Variants in LRMDA observed in about 807,000 individuals in gnomAD.
LRMDA encodes leucine rich melanocyte differentiation associated.
In LRMDA, 18 loss-of-function variants were observed where a neutral mutation model predicts 29.8. The ratio of observed to expected loss-of-function variants is 0.60; its 90% CI spans 0.42 to 0.90. The LOEUF is 0.90. Among genes scored for constraint, LRMDA ranks in the 40% least tolerant of loss-of-function variants. LRMDA has a pLI of 0.00. For missense variants in LRMDA, 273 were observed against 273.9 expected, an observed-to-expected ratio of 1.00 and a Z score of 0.02; for synonymous variants, 125 against 109.4, an observed-to-expected ratio of 1.14 and a Z score of -0.89.
intron 2 of LRMDA, among the ~76,000 whole-genome samples, chr10:75,625,861 AT>A (rs879302679): frequency 0.018 from 2,554 of 145,262 alleles, 49 homozygotes; most frequent in African/African-American, 0.055. Flanking sequence ...TGGAGAGAGT[AT>A]TTTTTTTTTT....
At chr10:76,111,878 G>T (rs1275201269) in intron 5 of LRMDA, among the ~76,000 whole-genome samples, 2 of 152,072 alleles carry the variant, frequency 1.3e-5, no homozygotes, top group African/African-American at 4.8e-5. Context: ...TTAGAACCAC[G>T]TTGGGAGCGT....
intron 2 of LRMDA, among the ~76,000 whole-genome samples, chr10:75,869,241 C>T (rs1845069189): frequency 6.6e-6 from 1 of 152,138 alleles, no homozygotes; most frequent in Middle Eastern, 3.2e-3. Context: ...AACAGAGGCC[C>T]AGAGAAGCTA....
intron 2 of LRMDA, among the ~76,000 whole-genome samples, chr10:75,898,650 GA>G (rs138051065): frequency 2.3e-4 from 34 of 149,856 alleles, no homozygotes; most frequent in African/African-American, 8.3e-4. Flanking sequence ...CTCAAAACAA[GA>G]AAAAAAAAGA....
At chr10:75,920,182 G>A (rs1396288943) in intron 2 of LRMDA, among the ~76,000 whole-genome samples, 1 of 152,052 alleles carries the variant, frequency 6.6e-6, no homozygotes, top group Non-Finnish European at 1.5e-5. Context: ...TGGCTCCCTA[G>A]AGACCTTCAA....
chr10:76,325,960 A>G (rs1023548571), intron 6 of LRMDA, among the ~76,000 whole-genome samples: 6 of 152,358 alleles, frequency 3.9e-5, no homozygotes, highest in African/African-American at 1.4e-4. Flanking sequence ...AAGTAGTTAG[A>G]GTTCAAATAA....
At chr10:76,105,563 A>G (rs1423610087) in intron 5 of LRMDA, among the ~76,000 whole-genome samples, 1 of 152,160 alleles carries the variant, frequency 6.6e-6, no homozygotes, top group Non-Finnish European at 1.5e-5. Flanking sequence ...ACAGGGGAGA[A>G]GGCCAGGAGA....
chr10:76,324,428 C>A lies in LRMDA; in HGVS notation c.544C>A (p.Pro182Thr), dbSNP rs1420320778. Residue 182 changes from proline to threonine, a missense_variant, in exon 6 of 7, where the codon CCG (proline) becomes ACG (threonine). Physicochemically the swap from Pro to Thr is conservative, Grantham distance 38 (BLOSUM62 -1). Transcript: ENST00000611255. The part of the protein sequence containing the change: ...KASSEDVASS[P>T]ERHYTPLPSA... ...TTCTAGTGAGGACGTTGCCAGCTCCCCGGAGCGCCACTACACGCCCTTGCC... is the reference window on the plus strand; with the variant it reads ...TTCTAGTGAGGACGTTGCCAGCTCCACGGAGCGCCACTACACGCCCTTGCC... The A allele has an allele frequency of 7.4e-6, 12 of 1,614,080 alleles. No individual in the cohort carries two copies. Among genetic ancestry groups the A allele is most frequent in the Non-Finnish European group, 1.0e-5 (12 of 1,180,010 alleles).
chr10:75,814,947 C>T (rs908989453), intron 2 of LRMDA, among the ~76,000 whole-genome samples: 1 of 152,168 alleles, frequency 6.6e-6, no homozygotes, highest in Non-Finnish European at 1.5e-5. Context: ...CTTCTGTTTA[C>T]AATAATATCT....
intron 2 of LRMDA, among the ~76,000 whole-genome samples, chr10:75,954,504 A>G (rs1204321111): frequency 6.6e-6 from 1 of 152,180 alleles, no homozygotes; most frequent in Non-Finnish European, 1.5e-5. Flanking sequence ...GCATCTTTCC[A>G]AAGCATGGTG....
chr10:75,447,689 G>A (rs1436389407), intron 2 of LRMDA, among the ~76,000 whole-genome samples: 1 of 152,070 alleles, frequency 6.6e-6, no homozygotes, highest in African/African-American at 2.4e-5. Flanking sequence ...GAGCCCAGGA[G>A]TTTGAAACCA....
At chr10:75,822,347 C>G (rs1475624027) in intron 2 of LRMDA, among the ~76,000 whole-genome samples, 1 of 152,078 alleles carries the variant, frequency 6.6e-6, no homozygotes, top group Non-Finnish European at 1.5e-5. Context: ...ATCTTGTGCT[C>G]CTGGAATGGA....
intron 2 of LRMDA, among the ~76,000 whole-genome samples, chr10:75,822,735 T>G (rs1844183476): frequency 6.6e-6 from 1 of 152,152 alleles, no homozygotes; most frequent in Non-Finnish European, 1.5e-5. Context: ...AGTATAATTT[T>G]TTTTTTCAGA....
chr10:76,241,115 G>A (rs1436195308), intron 5 of LRMDA, among the ~76,000 whole-genome samples: 1 of 152,054 alleles, frequency 6.6e-6, no homozygotes, highest in African/African-American at 2.4e-5. Context: ...TTGGGGGAAA[G>A]GTGGGTGGGT....
rs1554814520 is a variant in LRMDA, at chr10:75,589,765, A to ATATAT, written c.131+151271_131+151272insTATAT. Among the ~76,000 whole-genome samples the ATATAT allele has an allele frequency of 1.0e-4, 15 of 144,888 alleles. No individual in the cohort carries two copies. The East Asian group carries it at 2.2e-3, about 22-fold the overall frequency. On this transcript the variant is annotated intron_variant, in intron 2 of 6. Transcript: ENST00000611255. The stretch of plus-strand genomic sequence containing the variant: ...GGAGATAGAGACCCTGTCTAAAAAA[A>ATATAT]ATATATATATATAGAGAGAGAGAGA...
chr10:76,450,258 C>T (rs1025393023), intron 6 of LRMDA, among the ~76,000 whole-genome samples: 6 of 152,028 alleles, frequency 3.9e-5, no homozygotes, highest in Non-Finnish European at 7.4e-5. Context: ...CTGGACAAAT[C>T]GTTTCATTGT....
At chr10:76,293,148 T>C (rs925926188) in intron 5 of LRMDA, among the ~76,000 whole-genome samples, 3 of 152,102 alleles carry the variant, frequency 2.0e-5, no homozygotes, top group African/African-American at 7.2e-5. Flanking sequence ...ACCTGGCTAA[T>C]TTTTGTGTTT....
chr10:75,956,094 T>C (rs545891026), intron 2 of LRMDA, among the ~76,000 whole-genome samples: 1 of 152,316 alleles, frequency 6.6e-6, no homozygotes, highest in Admixed American at 6.5e-5. Flanking sequence ...CAAGATATAT[T>C]GTCAGGACTG....
chr10:76,087,136 G>A (rs573345762), intron 5 of LRMDA, among the ~76,000 whole-genome samples: 115 of 152,280 alleles, frequency 7.6e-4, no homozygotes, highest in Non-Finnish European at 1.5e-3. Context: ...TGGTGGGGCG[G>A]GTGGCATGCC....
chr10:75,457,458 G>A (rs1351386676), intron 2 of LRMDA, among the ~76,000 whole-genome samples: 3 of 152,204 alleles, frequency 2.0e-5, no homozygotes, highest in East Asian at 1.9e-4. Context: ...TCGAGGTATG[G>A]GTTCTCCCAT....
Sources: gnomAD v4.1 joint callset for allele counts (sites outside exome capture counted in the v4.1 genomes callset) on GRCh38, gnomAD v4.1.1 for gene constraint, MANE v1.5 for transcripts, NCBI Gene and HGNC (gene_info 2026-07-23, HGNC 2026-07-21) for gene names.